LZIC: variants seen among roughly 807,000 people sequenced by gnomAD.
LZIC encodes the protein protein LZIC.
LZIC carries 28 observed loss-of-function variants against 25.4 expected under a neutral mutation model. The observed-to-expected ratio is 1.10, with a 90% CI of 0.82 to 1.51. LZIC has a LOEUF of 1.51. Ranked by LOEUF, LZIC falls within the 40% of genes most tolerant of loss-of-function variation. The pLI is 0.00. For synonymous variants in LZIC, 65 were observed against 70.7 expected (o/e 0.92, Z 0.40); for missense variants, 170 against 211.1 (o/e 0.81, Z 1.21).
At chr1:9,938,495 A>G (rs1553122601) in intron 2 of LZIC, among the ~76,000 whole-genome samples, 1 of 152,102 alleles carries the variant, frequency 6.6e-6, no homozygotes. Flanking sequence ...TCTTCTTTGG[A>G]AATGTGACCA....
chr1:9,930,192 T>C lies in LZIC; in HGVS notation c.*207A>G. The C allele has an allele frequency of 7.2e-7, 1 of 1,385,128 alleles. No homozygotes were observed. Among genetic ancestry groups the C allele is most frequent in the Non-Finnish European group, 9.4e-7 (1 of 1,064,960 alleles). The allele number at this position is 1,385,128 out of a possible 1,614,324, so 85.8% of individuals were successfully genotyped here. ...AGTGAGTCCCTCTGTCGCAACAAGT[T>C]CAGGATCACTCAAGCAGGTAACCGC... On this transcript the variant is annotated 3_prime_UTR_variant, in exon 8 of 8. Coordinates refer to ENST00000377223, the MANE Select transcript of LZIC (RefSeq NM_032368.5).
Position 9,937,081 on chromosome 1 carries a change from T to C in LZIC, c.-8-454A>G, listed in dbSNP as rs1187417734. ...GAGTTCAAGACCAGCCTGAGCAACA[T>C]GGGGGAAACCCCATCTCTAAAGAGA... is the stretch of plus-strand genomic sequence containing the variant. On this transcript the variant is annotated intron_variant, in intron 2 of 7. Transcript: ENST00000377223. Among the ~76,000 whole-genome samples the C allele has an allele frequency of 5.3e-5, 8 of 151,496 alleles. 1 individual carries two copies. In the South Asian group the frequency reaches 1.0e-3, roughly 20 times the overall value.
At chr1:9,939,368 T>TTCTTC (rs1553122740) in intron 2 of LZIC, among the ~76,000 whole-genome samples, 1 of 50,844 alleles carries the variant, frequency 2.0e-5, no homozygotes, top group Non-Finnish European at 6.9e-5. Flanking sequence ...GGCTTTTTTT[T>TTCTTC]TTTTCTTTTT....
At position 9,927,676 on chromosome 1, in the gene LZIC, C is replaced by CT. The variant is rs1640033223; in HGVS notation, c.*2722dup. The stretch of plus-strand genomic sequence containing the variant: ...GCAGGGTAAGGGAAGAATCTTCTTC[C>CT]TCTTTTTTTTTTTTTTTTTTTTTTT... On this transcript the variant is annotated 3_prime_UTR_variant, in exon 8 of 8. Coordinates refer to ENST00000377223, the MANE Select transcript of LZIC (RefSeq NM_032368.5). Among the ~76,000 whole-genome samples the CT allele has an allele frequency of 7.2e-6, 1 of 139,198 alleles. No homozygotes were observed. The highest frequency in any genetic ancestry group is 2.9e-5 in the African/African-American group (1 of 35,002). The allele number at this position is 139,198 out of a possible 152,430, so 91.3% of individuals were successfully genotyped here. A position where few individuals can be genotyped will look rare whatever the true frequency, so the allele number is the denominator to read the frequency against.
chr1:9,939,990 G>C (rs1405109760), intron 2 of LZIC, among the ~76,000 whole-genome samples: 1 of 151,974 alleles, frequency 6.6e-6, no homozygotes, highest in Non-Finnish European at 1.5e-5. Flanking sequence ...ATGGTGGTGT[G>C]TGCTTGTAGT....
In LZIC at chr1:9,929,522, CCT is replaced by C. The variant is rs150610578; in HGVS notation, c.*875_*876del. The stretch of plus-strand genomic sequence containing the variant: ...GTAGATAACAGCTGACAGTTACCCC[CCT>C]CTGAGTGTGACAAGAGGTCACGCAC... On this transcript the variant is annotated 3_prime_UTR_variant, in exon 8 of 8. Coordinates refer to ENST00000377223, the MANE Select transcript of LZIC (RefSeq NM_032368.5). The C allele has an allele frequency of 0.056, 55,499 of 985,324 alleles. 1,913 individuals carry two copies. The highest frequency in any genetic ancestry group is 0.12 in the Admixed American group (2,022 of 16,262). The allele number at this position is 985,324 out of a possible 1,614,324, so 61.0% of individuals were successfully genotyped here.
intron 2 of LZIC, among the ~76,000 whole-genome samples, chr1:9,941,939 C>T (rs1640763990): frequency 6.6e-6 from 1 of 151,414 alleles, no homozygotes; most frequent in African/African-American, 2.4e-5. Context: ...TTTTTTGAGA[C>T]GGAGTCTCGC....
chr1:9,930,499 G>C, intron 7 of LZIC, 42 bp from the exon 8 acceptor site: 2 of 1,606,898 alleles, frequency 1.2e-6, no homozygotes, highest in Non-Finnish European at 1.7e-6. Flanking sequence ...ATTATTTCAA[G>C]TGCAGTTGCA....
intron 1 of LZIC, 133 bp from the exon 2 acceptor site, chr1:9,942,915 T>C: frequency 2.8e-6 from 1 of 355,072 alleles, no homozygotes; most frequent in South Asian, 2.1e-5. Context: ...CGACTGCGCC[T>C]ACCGCAGCCT....
chr1:9,935,374 G>T, intron 4 of LZIC, 118 bp downstream of exon 4: 1 of 1,067,816 alleles, frequency 9.4e-7, no homozygotes, highest in Non-Finnish European at 1.3e-6. Context: ...GTTGCAGTGA[G>T]CCAAGACTGC....
intron 1 of LZIC, 44 bp from the exon 2 acceptor site, chr1:9,942,826 T>C (rs1285709439): frequency 3.4e-6 from 2 of 589,020 alleles, no homozygotes; most frequent in Non-Finnish European, 5.7e-6. Context: ...ATTTGCTATA[T>C]ATAAACTTGC....
At chr1:9,937,321 A>T (rs1640503104) in intron 2 of LZIC, among the ~76,000 whole-genome samples, 1 of 151,690 alleles carries the variant, frequency 6.6e-6, no homozygotes, top group African/African-American at 2.4e-5. Flanking sequence ...TGAACGCGGG[A>T]GGCAGAGCTT....
rs1640020843 is a variant in LZIC at position 9,927,405 on chromosome 1, G to A, written c.*2994C>T. 6.6e-6 allele frequency among the ~76,000 whole-genome samples: 1 copy of A among 151,812 alleles called. No homozygotes were observed. Among genetic ancestry groups the A allele is most frequent in the African/African-American group, 2.4e-5 (1 of 41,330 alleles). The stretch of plus-strand genomic sequence containing the variant: ...CAACCTCTGCTTCCCAGGTTCAGGT[G>A]ATCCTCTGACCTCAGCTTCCTGAGT... On this transcript the variant is annotated 3_prime_UTR_variant, in exon 8 of 8. Transcript: ENST00000377223.
intron 7 of LZIC, 86 bp from the exon 8 acceptor site, chr1:9,930,543 A>C (rs1375982403): frequency 1.3e-6 from 2 of 1,562,174 alleles, no homozygotes; most frequent in African/African-American, 2.7e-5. Flanking sequence ...TCTATCATAT[A>C]GATATTAAAA....
chr1:9,928,866 CA>C lies in LZIC; in HGVS notation c.*1532del, dbSNP rs34148395. 0.71 allele frequency: 79,873 copies of C among 112,650 alleles called. 26,901 individuals are homozygous for C. The highest frequency in any genetic ancestry group is 0.8 in the Non-Finnish European group (43,015 of 54,082). The allele number at this position is 112,650 out of a possible 1,614,324, so 7.0% of individuals were successfully genotyped here. On this transcript the variant is annotated 3_prime_UTR_variant, in exon 8 of 8. Coordinates refer to ENST00000377223, the MANE Select transcript of LZIC (RefSeq NM_032368.5). ...GGGCAATAAGAGTAAAACTCTGTCT[CA>C]AAAAAAAAAAAAAAAAGAAAAGAAA...
Position 9,927,676 on chromosome 1 carries a change from CTCTT to C in LZIC, c.*2719_*2722del, listed in dbSNP as rs1263579887. On this transcript the variant is annotated 3_prime_UTR_variant, in exon 8 of 8. Coordinates refer to ENST00000377223, the MANE Select transcript of LZIC (RefSeq NM_032368.5). ...GCAGGGTAAGGGAAGAATCTTCTTC[CTCTT>C]TTTTTTTTTTTTTTTTTTTTTGAGA... Among the ~76,000 whole-genome samples the C allele has an allele frequency of 3.6e-5, 5 of 139,198 alleles. No individual in the cohort carries two copies. Among genetic ancestry groups the C allele is most frequent in the Non-Finnish European group, 7.5e-5 (5 of 66,238 alleles). The allele number at this position is 139,198 out of a possible 152,430, so 91.3% of individuals were successfully genotyped here.
rs1445906328 is a variant in LZIC at position 9,930,026 on chromosome 1, G to C, written c.*373C>G. 3.0e-6 allele frequency: 3 copies of C among 1,010,064 alleles called. No homozygotes were observed. The highest frequency in any genetic ancestry group is 3.6e-6 in the Non-Finnish European group (3 of 844,154). 62.6% of individuals were successfully genotyped at this position (1,010,064 alleles called of 1,614,324 possible). ...TGCGTCACTGTTCACTCCAATGAGT[G>C]GGGATAAGTTGTAAGCAGAAAAATA... On this transcript the variant is annotated 3_prime_UTR_variant, in exon 8 of 8. Transcript: ENST00000377223.
chr1:9,929,303 T>C lies in LZIC; in HGVS notation c.*1096A>G, dbSNP rs1047709735. The C allele has an allele frequency of 9.1e-6, 9 of 984,402 alleles. No homozygotes were observed. The highest frequency in any genetic ancestry group is 1.0e-3 in the Middle Eastern group (2 of 1,932). 61.0% of individuals were successfully genotyped at this position (984,402 alleles called of 1,614,324 possible). On this transcript the variant is annotated 3_prime_UTR_variant, in exon 8 of 8. Coordinates refer to ENST00000377223, the MANE Select transcript of LZIC (RefSeq NM_032368.5). ...AAGAAGCTTTAAAAATGCTTTTAAT[T>C]TGTATAAAGTGCAAAGAAAAAGAAT...
chr1:9,940,458 C>A (rs1384963668), intron 2 of LZIC, among the ~76,000 whole-genome samples: 1 of 151,974 alleles, frequency 6.6e-6, no homozygotes, highest in East Asian at 1.9e-4. Context: ...GGATTACAGG[C>A]GTGAGCCACT....
Sources: allele counts gnomAD v4.1 joint callset (sites outside exome capture counted in the v4.1 genomes callset), GRCh38; gene constraint gnomAD v4.1.1; transcripts MANE v1.5; gene names NCBI Gene and HGNC (gene_info 2026-07-23, HGNC 2026-07-21).